GSE1: variants seen among roughly 807,000 people sequenced by gnomAD.
GSE1 encodes the protein Gse1 coiled-coil protein, also known as genetic suppressor element 1.
In GSE1, 32 loss-of-function variants were observed where a neutral mutation model predicts 112.6. That is an observed-to-expected ratio of 0.28 (90% CI 0.21 to 0.38). GSE1 has a LOEUF of 0.38. GSE1 is among the 10% of genes least tolerant of loss of function. The pLI is 1.00. For missense variants in GSE1, 2,348 were observed against 1,699.2 expected, an observed-to-expected ratio of 1.38 and a Z score of -6.71; for synonymous variants, 1,115 against 735.6, an observed-to-expected ratio of 1.52 and a Z score of -8.35.
intron 1 of GSE1, among the ~76,000 whole-genome samples, chr16:85,347,145 C>G (rs186234702): frequency 2.0e-5 from 3 of 151,072 alleles, no homozygotes; most frequent in Non-Finnish European, 2.9e-5. Flanking sequence ...CAGGTCTAGC[C>G]GGAGGCTCTC....
At chr16:85,426,719 TGGATGGATGGTAGATGGAA>T (rs1396804187) in intron 2 of GSE1, among the ~76,000 whole-genome samples, 2 of 151,212 alleles carry the variant, frequency 1.3e-5, no homozygotes, top group African/African-American at 4.9e-5. Flanking sequence ...GATGGATGGA[TGGATGGATGGTAGATGGAA>T]GGATGGATGG....
intron 2 of GSE1, among the ~76,000 whole-genome samples, chr16:85,520,401 TGGAG>T (rs2052142078): frequency 6.6e-6 from 1 of 151,504 alleles, no homozygotes; most frequent in Admixed American, 6.6e-5. Context: ...TGCAGGGTCT[TGGAG>T]GGATCTTTCC....
At chr16:85,485,058 C>T (rs960908604) in intron 2 of GSE1, among the ~76,000 whole-genome samples, 6 of 152,232 alleles carry the variant, frequency 3.9e-5, no homozygotes, top group Admixed American at 1.3e-4. Context: ...CCAGGCTACC[C>T]GTTGTCCAGA....
chr16:85,362,027 G>C lies in GSE1; in HGVS notation c.2464+4384G>C, dbSNP rs142288839. Among the ~76,000 whole-genome samples, 74 of 152,312 alleles carry C rather than the reference G, an allele frequency of 4.9e-4. No homozygotes were observed. The South Asian group carries it at 6.2e-3, about 13-fold the overall frequency. ...CCCAGGTGTTGCATTTGAAGTGGCCGTCTGGGAGGTGGCCACTTGCTGGCT... is the reference window on the plus strand; with the variant it reads ...CCCAGGTGTTGCATTTGAAGTGGCCCTCTGGGAGGTGGCCACTTGCTGGCT... On this transcript the variant is annotated intron_variant, in intron 2 of 2. Coordinates refer to the GSE1 transcript ENST00000637419.
rs1358644739 is a variant in GSE1, at chr16:85,408,737, T to C, written c.2464+51094T>C. On this transcript the variant is annotated intron_variant, in intron 2 of 2. Transcript: ENST00000637419. ...CAGGGCACCTGGATAATCCTCACTG[T>C]CACTCTCAGGCCCCCCTGGATAATC... Among the ~76,000 whole-genome samples the C allele has an allele frequency of 6.5e-5, 4 of 61,782 alleles. 2 individuals are homozygous for C. The highest frequency in any genetic ancestry group is 2.7e-4 in the Admixed American group (2 of 7,396). 40.5% of individuals were successfully genotyped at this position (61,782 alleles called of 152,430 possible). A position where few individuals can be genotyped will look rare whatever the true frequency, so the allele number is the denominator to read the frequency against.
At chr16:85,237,666 G>A (rs1458329530) in intron 1 of GSE1, among the ~76,000 whole-genome samples, 1 of 151,836 alleles carries the variant, frequency 6.6e-6, no homozygotes. Context: ...GTGAAACCCC[G>A]TCTCTACTAA....
intron 2 of GSE1, among the ~76,000 whole-genome samples, chr16:85,518,802 A>G (rs955092634): frequency 2.0e-5 from 3 of 152,134 alleles, no homozygotes; most frequent in African/African-American, 7.2e-5. Context: ...ACCTATCCTT[A>G]CGCAAGACTG....
At chr16:85,575,482 C>A (rs1243804790) in intron 1 of GSE1, among the ~76,000 whole-genome samples, 2 of 150,708 alleles carry the variant, frequency 1.3e-5, no homozygotes, top group African/African-American at 2.4e-5. Context: ...CCTCTCGTCT[C>A]CCCTCTCGTC....
intron 1 of GSE1, among the ~76,000 whole-genome samples, chr16:85,351,623 A>T (rs1340022402): frequency 6.6e-6 from 1 of 152,222 alleles, no homozygotes; most frequent in Non-Finnish European, 1.5e-5. Context: ...ACATACATTA[A>T]AGCCATCAAA....
intron 2 of GSE1, among the ~76,000 whole-genome samples, chr16:85,468,896 T>C (rs1029568921): frequency 9.2e-5 from 14 of 152,346 alleles, no homozygotes; most frequent in African/African-American, 2.9e-4. Context: ...TGTGAACTTA[T>C]TTGGAAATAG....
intron 1 of GSE1, among the ~76,000 whole-genome samples, chr16:85,279,852 C>G (rs2044803562): frequency 6.6e-6 from 1 of 152,180 alleles, no homozygotes; most frequent in Non-Finnish European, 1.5e-5. Flanking sequence ...CAAGAGCCGC[C>G]CATTTCCCGG....
intron 2 of GSE1, among the ~76,000 whole-genome samples, chr16:85,374,774 G>C (rs538182974): frequency 6.6e-5 from 10 of 152,210 alleles, no homozygotes; most frequent in African/African-American, 2.2e-4. Context: ...ACGCAGTTTC[G>C]GGACCCTCGC....
intron 2 of GSE1, among the ~76,000 whole-genome samples, chr16:85,641,976 G>A (rs2050485636): frequency 6.6e-6 from 1 of 152,252 alleles, no homozygotes; most frequent in Admixed American, 6.5e-5. Flanking sequence ...AGTAGAAAGT[G>A]GAGGAGCAGC....
At chr16:85,665,153 C>A in intron 12 of GSE1, 25 bp downstream of exon 12, 3 of 1,401,970 alleles carry the variant, frequency 2.1e-6, no homozygotes, top group Non-Finnish European at 3.0e-6. Flanking sequence ...GCCCCACCTG[C>A]CACCACCCAG....
chr16:85,270,026 T>G (rs9888940), intron 1 of GSE1, among the ~76,000 whole-genome samples: 69,886 of 148,672 alleles, frequency 0.47, 19,469 homozygotes, highest in Admixed American at 0.53. Context: ...TGTTGGTAGC[T>G]AGGATTCAAA....
rs997756419 is a variant in GSE1 at position 85,419,950 on chromosome 16, A to G, written c.2464+62307A>G. Reference sequence around the variant, plus strand: ...CAGCAGGGGCAAAGTCTGAGCTAGGAAGGCCCCTCTGAGGCCCAGCTGGCA... The same window carrying G: ...CAGCAGGGGCAAAGTCTGAGCTAGGGAGGCCCCTCTGAGGCCCAGCTGGCA... On this transcript the variant is annotated intron_variant, in intron 2 of 2. Transcript: ENST00000637419. This position sits in a 1 kb window ranked among gnomAD's most constrained non-coding sequence, Gnocchi z 6.5. Among the ~76,000 whole-genome samples the G allele has an allele frequency of 5.9e-5, 9 of 152,334 alleles. No homozygotes were observed. The East Asian group carries it at 1.5e-3, about 26-fold the overall frequency.
chr16:85,424,073 T>C (rs1351658632), intron 2 of GSE1, among the ~76,000 whole-genome samples: 2 of 152,266 alleles, frequency 1.3e-5, no homozygotes, highest in African/African-American at 4.8e-5. Context: ...GACCTCAGGA[T>C]GCTCTTTGGA....
chr16:85,318,200 G>A (rs756730092), intron 1 of GSE1, among the ~76,000 whole-genome samples: 3 of 152,176 alleles, frequency 2.0e-5, no homozygotes, highest in Non-Finnish European at 4.4e-5. Context: ...AAAGGGCATC[G>A]CTTTGAAGTT....
chr16:85,468,660 T>G (rs1036414137), intron 2 of GSE1, among the ~76,000 whole-genome samples: 1 of 152,086 alleles, frequency 6.6e-6, no homozygotes, highest in Non-Finnish European at 1.5e-5. Context: ...CCCAGAGATG[T>G]CATCTTGGAG....
Sources: allele counts gnomAD v4.1 joint callset (sites outside exome capture counted in the v4.1 genomes callset), GRCh38; gene constraint gnomAD v4.1.1; non-coding constraint Gnocchi (gnomAD v3.1); transcripts MANE v1.5; gene names NCBI Gene and HGNC (gene_info 2026-07-23, HGNC 2026-07-21).